LUZP2: variants seen among roughly 807,000 people sequenced by gnomAD.
The protein encoded by LUZP2 is leucine zipper protein 2.
A neutral mutation model predicts 51.6 loss-of-function variants in LUZP2; 52 were observed. The observed-to-expected ratio is 1.01, with a 90% CI of 0.81 to 1.27. The LOEUF (loss-of-function observed/expected upper bound fraction) is 1.27, where lower values mean the gene tolerates loss of function less well. Ranked by LOEUF, LUZP2 falls within the 50% of genes most tolerant of loss-of-function variation. The pLI is 0.00. For missense variants in LUZP2, 436 were observed against 395.4 expected, an observed-to-expected ratio of 1.10 and a Z score of -0.87; for synonymous variants, 154 against 137.3, an observed-to-expected ratio of 1.12 and a Z score of -0.85.
At chr11:24,877,448 T>C in intron 5 of LUZP2, among the ~76,000 whole-genome samples, 1 of 152,250 alleles carries the variant, frequency 6.6e-6, no homozygotes, top group Non-Finnish European at 1.5e-5. Context: ...TTTAATTTTA[T>C]GTTTTAAATT....
chr11:24,992,778 T>C (rs1003433068), intron 9 of LUZP2, among the ~76,000 whole-genome samples: 1 of 152,142 alleles, frequency 6.6e-6, no homozygotes, highest in Non-Finnish European at 1.5e-5. Flanking sequence ...AGTTGTACTA[T>C]CTATTTGATG....
intron 1 of LUZP2, among the ~76,000 whole-genome samples, chr11:24,622,388 T>C (rs1366303020): frequency 6.6e-6 from 1 of 152,030 alleles, no homozygotes; most frequent in Non-Finnish European, 1.5e-5. Context: ...GTTTGTTTTT[T>C]TGTCCTTGCA....
intron 5 of LUZP2, among the ~76,000 whole-genome samples, chr11:24,814,991 CAAAA>C (rs61229028): frequency 1.6e-4 from 13 of 80,106 alleles, no homozygotes; most frequent in Non-Finnish European, 1.9e-4. Flanking sequence ...GACTCCGTCT[CAAAA>C]AAAAAAAAAA....
chr11:24,565,992 T>C (rs1203881955), intron 1 of LUZP2, among the ~76,000 whole-genome samples: 1 of 151,946 alleles, frequency 6.6e-6, no homozygotes, highest in African/African-American at 2.4e-5. Flanking sequence ...TATCCATAAA[T>C]ATAATACAAA....
intron 7 of LUZP2, among the ~76,000 whole-genome samples, chr11:24,950,890 A>C (rs1431478073): frequency 6.6e-6 from 1 of 151,600 alleles, no homozygotes; most frequent in Non-Finnish European, 1.5e-5. Context: ...TCACATGAAA[A>C]ATCCATTAAT....
chr11:24,861,504 A>C (rs1449846696), intron 5 of LUZP2, among the ~76,000 whole-genome samples: 2 of 152,150 alleles, frequency 1.3e-5, no homozygotes, highest in African/African-American at 4.8e-5. Flanking sequence ...AAATACAGAG[A>C]ACACCATTAA....
chr11:24,792,641 G>C (rs1430789940), intron 5 of LUZP2, among the ~76,000 whole-genome samples: 1 of 152,072 alleles, frequency 6.6e-6, no homozygotes, highest in Admixed American at 6.6e-5. Context: ...TAGCCAAGTA[G>C]TAAAAAGGAG....
chr11:24,956,772 G>A (rs957819860), intron 7 of LUZP2, among the ~76,000 whole-genome samples: 1 of 152,042 alleles, frequency 6.6e-6, no homozygotes, highest in Admixed American at 6.6e-5. Context: ...GAAAGAAAGT[G>A]GGATTTGGTA....
chr11:24,523,899 A>G (rs1227584402), intron 1 of LUZP2, among the ~76,000 whole-genome samples: 1 of 151,774 alleles, frequency 6.6e-6, no homozygotes, highest in Non-Finnish European at 1.5e-5. Flanking sequence ...AAAAATAAGG[A>G]TTTCTTATTA....
At chr11:24,959,168 T>C (rs1019503112) in intron 7 of LUZP2, among the ~76,000 whole-genome samples, 1 of 152,160 alleles carries the variant, frequency 6.6e-6, no homozygotes, top group Non-Finnish European at 1.5e-5. Flanking sequence ...GCTTGTAGTA[T>C]AGTTTGAAGT....
intron 1 of LUZP2, among the ~76,000 whole-genome samples, chr11:24,708,411 T>C (rs1857685383): frequency 6.6e-6 from 1 of 152,140 alleles, no homozygotes; most frequent in African/African-American, 2.4e-5. Flanking sequence ...TTTATCAAAA[T>C]TTTTATAGTC....
intron 1 of LUZP2, among the ~76,000 whole-genome samples, chr11:24,697,546 T>G (rs958473438): frequency 1.3e-5 from 2 of 152,150 alleles, no homozygotes; most frequent in African/African-American, 4.8e-5. Context: ...AAGATAACCA[T>G]GGAAGAAATT....
At chr11:24,803,412 A>G (rs1373395232) in intron 5 of LUZP2, among the ~76,000 whole-genome samples, 1 of 152,088 alleles carries the variant, frequency 6.6e-6, no homozygotes, top group Admixed American at 6.6e-5. Context: ...ATGTAGAGAA[A>G]TTGGAATCCT....
intron 1 of LUZP2, among the ~76,000 whole-genome samples, chr11:24,669,672 T>C (rs1160099372): frequency 6.6e-6 from 1 of 152,058 alleles, no homozygotes; most frequent in African/African-American, 2.4e-5. Context: ...ATAGAAACTT[T>C]CAGTAGCTAA....
At position 24,905,986 on chromosome 11, in the gene LUZP2, C is replaced by T. The variant is rs1005099143; in HGVS notation, c.397-5C>T. ...TTTGCAATAAAACTATGTTTTCTTC[C>T]TCAGAATAAAAGCTTGAAAAACAAA... On this transcript the variant is annotated splice_polypyrimidine_tract_variant and splice_region_variant and intron_variant, in intron 5 of 11. Transcript: ENST00000336930. 8 of 1,603,692 alleles carry T rather than the reference C, an allele frequency of 5.0e-6. No individual in the cohort carries two copies. The highest frequency in any genetic ancestry group is 6.0e-6 in the Non-Finnish European group (7 of 1,171,380).
intron 10 of LUZP2, among the ~76,000 whole-genome samples, chr11:25,053,667 G>C (rs992127737): frequency 6.6e-6 from 1 of 151,560 alleles, no homozygotes; most frequent in African/African-American, 2.4e-5. Context: ...TTATTGTGTG[G>C]TGTACCACAT....
At chr11:24,549,310 C>T (rs2403959) in intron 1 of LUZP2, among the ~76,000 whole-genome samples, 65,019 of 151,968 alleles carry the variant, frequency 0.43, 14,540 homozygotes, top group African/African-American at 0.54. Context: ...CGCATCTTTA[C>T]GTCTTGTCCT....
In LUZP2 at chr11:24,718,535, G is replaced by A. The variant is rs118079155; in HGVS notation, c.63-10634G>A. 5.9e-4 allele frequency among the ~76,000 whole-genome samples: 90 copies of A among 152,192 alleles called. No homozygotes were observed. The East Asian group carries it at 0.012, about 20-fold the overall frequency. ...GGCAAGGACAGTATTTTGCATTATC[G>A]CATTTTTGGAGACAAAAGGTTTGGG... On this transcript the variant is annotated intron_variant, in intron 1 of 11. Transcript: ENST00000336930.
chr11:24,623,992 A>G (rs1854594213), intron 1 of LUZP2, among the ~76,000 whole-genome samples: 1 of 152,200 alleles, frequency 6.6e-6, no homozygotes. Flanking sequence ...TCATCTTAGA[A>G]ATATTTATTG....
Sources: gnomAD v4.1 joint callset for allele counts (sites outside exome capture counted in the v4.1 genomes callset) on GRCh38, gnomAD v4.1.1 for gene constraint, MANE v1.5 for transcripts, NCBI Gene and HGNC (gene_info 2026-07-23, HGNC 2026-07-21) for gene names.